Variants in GEMIN7 observed in about 807,000 individuals in gnomAD.
GEMIN7 encodes the protein gem nuclear organelle associated protein 7.
In GEMIN7, 7 loss-of-function variants were observed where a neutral mutation model predicts 7.8. The observed-to-expected ratio is 0.90, with a 90% CI of 0.51 to 1.69. The LOEUF is 1.69. Ranked by LOEUF, GEMIN7 falls within the 40% of genes most tolerant of loss-of-function variation. The probability of loss-of-function intolerance (pLI) is 0.00; values close to 1 mark genes in which losing one functional copy is unlikely to be tolerated. For missense variants in GEMIN7, 159 were observed against 176.2 expected, an observed-to-expected ratio of 0.90 and a Z score of 0.55; for synonymous variants, 68 against 72.4, an observed-to-expected ratio of 0.94 and a Z score of 0.31.
rs1375351685 is a variant in GEMIN7, at chr19:45,091,260, G to A, written c.*750G>A. ...CGCTGTCCCCTCGTTGGAGGCGAAT[G>A]GTCGGACCCCGAGTGGCGGCGCCCC... On this transcript the variant is annotated 3_prime_UTR_variant, in exon 3 of 3. Coordinates refer to ENST00000270257, the MANE Select transcript of GEMIN7 (RefSeq NM_024707.3). The A allele has an allele frequency of 6.0e-6, 1 of 167,172 alleles. No individual in the cohort carries two copies. The highest frequency in any genetic ancestry group is 1.5e-5 in the Non-Finnish European group (1 of 68,140). 10.4% of individuals were successfully genotyped at this position (167,172 alleles called of 1,614,324 possible).
In GEMIN7 at chr19:45,090,128, T is replaced by C. The variant is rs1568434086; in HGVS notation, c.14T>C (p.Val5Ala). 1 of 1,611,480 alleles carries C rather than the reference T, an allele frequency of 6.2e-7. No homozygotes were observed. Among genetic ancestry groups the C allele is most frequent in the Admixed American group, 1.7e-5 (1 of 59,816 alleles). The change falls in exon 3 of 3, where the codon GTG (valine) becomes GCG (alanine). Residue 5 changes from valine (V) to alanine (A), a missense_variant. Val to Ala is a moderately conservative substitution (Grantham distance 64). Coordinates refer to ENST00000270257, the MANE Select transcript of GEMIN7 (RefSeq NM_024707.3). MQTP[V>A]NIPVPVLRLP... Reference sequence around the variant, plus strand: ...ACAGCCAAGACAATGCAAACTCCAGTGAACATTCCCGTGCCTGTGCTCCGG... The same window carrying C: ...ACAGCCAAGACAATGCAAACTCCAGCGAACATTCCCGTGCCTGTGCTCCGG...
chr19:45,077,228 A>T (rs117371867), upstream of GEMIN7, among the ~76,000 whole-genome samples: 3 of 152,316 alleles, frequency 2.0e-5, no homozygotes, highest in South Asian at 6.2e-4. Context: ...TGATCGCTTT[A>T]AGGTCTTTTG....
chr19:45,077,541 C>T (rs1482786979), upstream of GEMIN7, among the ~76,000 whole-genome samples: 1 of 152,100 alleles, frequency 6.6e-6, no homozygotes, highest in Admixed American at 6.5e-5. Context: ...AATGCAAGCC[C>T]CCTGAGGTCA....
chr19:45,082,830 A>G (rs1009480307), intron 2 of GEMIN7, among the ~76,000 whole-genome samples: 5 of 145,502 alleles, frequency 3.4e-5, no homozygotes, highest in Non-Finnish European at 7.4e-5. Flanking sequence ...TATATTGCTC[A>G]GGCTGGTCTT....
rs754206806 is a variant in GEMIN7, at chr19:45,090,921, C to G, written c.*411C>G. On this transcript the variant is annotated 3_prime_UTR_variant, in exon 3 of 3. Transcript: ENST00000270257. ...AAGAACCAGTTACCCCAGGAAAATT[C>G]GACTCCTGTTTTTCTTTAATTAACT... The G allele has an allele frequency of 1.6e-5, 3 of 183,416 alleles. No individual in the cohort carries two copies. Among genetic ancestry groups the G allele is most frequent in the Non-Finnish European group, 3.9e-5 (3 of 76,454 alleles). The allele number at this position is 183,416 out of a possible 1,614,324, so 11.4% of individuals were successfully genotyped here. A position where few individuals can be genotyped will look rare whatever the true frequency, so the allele number is the denominator to read the frequency against.
At chr19:45,082,890 G>T (rs1277939019) in intron 2 of GEMIN7, among the ~76,000 whole-genome samples, 3 of 151,536 alleles carry the variant, frequency 2.0e-5, no homozygotes, top group African/African-American at 7.3e-5. Context: ...CAAGGTGCTG[G>T]GATTATAGTT....
intron 2 of GEMIN7, among the ~76,000 whole-genome samples, chr19:45,081,521 C>T (rs552578360): frequency 3.6e-4 from 37 of 102,848 alleles, no homozygotes; most frequent in African/African-American, 1.7e-3. Context: ...TCTTCCCTGT[C>T]AGGAAAAAAA....
chr19:45,087,031 G>C (rs1046820968), intron 2 of GEMIN7, among the ~76,000 whole-genome samples: 4 of 152,004 alleles, frequency 2.6e-5, no homozygotes, highest in Admixed American at 2.0e-4. Context: ...ATTCTTAGTA[G>C]AGACGGGGTT....
At chr19:45,089,554 A>G (rs1432906895) in intron 2 of GEMIN7, among the ~76,000 whole-genome samples, 1 of 151,632 alleles carries the variant, frequency 6.6e-6, no homozygotes, top group East Asian at 1.9e-4. Context: ...TCTTTTTTTT[A>G]GAGACAGTGT....
intron 2 of GEMIN7, among the ~76,000 whole-genome samples, chr19:45,087,850 G>A (rs1266092652): frequency 2.0e-5 from 3 of 152,124 alleles, no homozygotes; most frequent in Non-Finnish European, 4.4e-5. Flanking sequence ...GGAAGTGTCT[G>A]TGGCTGCAGC....
intron 2 of GEMIN7, among the ~76,000 whole-genome samples, chr19:45,082,132 A>G (rs1967524762): frequency 6.6e-6 from 1 of 152,030 alleles, no homozygotes; most frequent in Non-Finnish European, 1.5e-5. Flanking sequence ...TTCACTCAGA[A>G]CTGTCCAGTG....
At chr19:45,075,797 G>A (rs990178939), upstream of GEMIN7, 1 of 1,614,152 alleles carries the variant, frequency 6.2e-7, no homozygotes, top group Non-Finnish European at 8.5e-7. Context: ...GCCTCCAACG[G>A]GAAGGTCTGC....
At chr19:45,087,977 GCT>G (rs767066421) in intron 2 of GEMIN7, among the ~76,000 whole-genome samples, 1 of 25,324 alleles carries the variant, frequency 3.9e-5, no homozygotes, top group African/African-American at 3.0e-4. Context: ...ACAGAGTCTT[GCT>G]CTGTCGCCCA....
upstream of GEMIN7, among the ~76,000 whole-genome samples, chr19:45,078,365 C>T (rs936102049): frequency 1.3e-5 from 2 of 152,196 alleles, no homozygotes; most frequent in African/African-American, 4.8e-5. Flanking sequence ...GCTGGAATTA[C>T]AGGCGTGAGC....
Position 45,090,835 on chromosome 19 carries a change from A to G in GEMIN7, c.*325A>G. 4.0e-6 allele frequency: 1 copy of G among 253,014 alleles called. No individual in the cohort carries two copies. The highest frequency in any genetic ancestry group is 8.3e-6 in the Non-Finnish European group (1 of 119,990). 15.7% of individuals were successfully genotyped at this position (253,014 alleles called of 1,614,324 possible). ...GATACAACCTGCACAGGGGGAAGTT[A>G]TTAAAGAGGCTGCAAAGTCCAGCCA... is the stretch of plus-strand genomic sequence containing the variant. On this transcript the variant is annotated 3_prime_UTR_variant, in exon 3 of 3. Coordinates refer to ENST00000270257, the MANE Select transcript of GEMIN7 (RefSeq NM_024707.3).
intron 2 of GEMIN7, among the ~76,000 whole-genome samples, chr19:45,080,518 G>T (rs1600132359): frequency 6.6e-6 from 1 of 152,062 alleles, no homozygotes; most frequent in Non-Finnish European, 1.5e-5. Flanking sequence ...TGGGATTACA[G>T]ATGCGTGCCA....
At chr19:45,077,739 C>T (rs1274851241), upstream of GEMIN7, among the ~76,000 whole-genome samples, 2 of 152,180 alleles carry the variant, frequency 1.3e-5, no homozygotes, top group Non-Finnish European at 2.9e-5. Context: ...CACTCCATGA[C>T]CTCCATCTGT....
intron 2 of GEMIN7, chr19:45,088,755 G>A (rs1967788561): frequency 6.6e-6 from 1 of 152,124 alleles, no homozygotes; most frequent in East Asian, 1.9e-4. Context: ...TAGCACAGAA[G>A]TGGTGCCCTG....
intron 2 of GEMIN7, among the ~76,000 whole-genome samples, chr19:45,088,126 C>T (rs568231705): frequency 1.3e-5 from 2 of 150,604 alleles, no homozygotes; most frequent in African/African-American, 4.9e-5. Context: ...TTGTATTTTT[C>T]GTAGAGACGG....
Sources: allele counts gnomAD v4.1 joint callset (sites outside exome capture counted in the v4.1 genomes callset), GRCh38; gene constraint gnomAD v4.1.1; transcripts MANE v1.5; gene names NCBI Gene and HGNC (gene_info 2026-07-23, HGNC 2026-07-21).